CYP2C18: variants seen among roughly 807,000 people sequenced by gnomAD.
CYP2C18 encodes the protein cytochrome P450 family 2 subfamily C member 18.
In CYP2C18, 38 loss-of-function variants were observed where a neutral mutation model predicts 41.3. That is an observed-to-expected ratio of 0.92 (90% CI 0.71 to 1.21). The LOEUF is 1.21. Among genes scored for constraint, CYP2C18 ranks in the 50% most tolerant of loss-of-function variants. CYP2C18 has a pLI of 0.00. For synonymous variants in CYP2C18, 236 were observed against 210.0 expected (o/e 1.12, Z -1.07); for missense variants, 635 against 591.4 (o/e 1.07, Z -0.77).
At chr10:94,732,787 C>T (rs1847855643) in intron 7 of CYP2C18, among the ~76,000 whole-genome samples, 1 of 151,878 alleles carries the variant, frequency 6.6e-6, no homozygotes, top group Non-Finnish European at 1.5e-5. Context: ...CAACAATAGG[C>T]ACTGGGGACT....
intron 3 of CYP2C18, among the ~76,000 whole-genome samples, chr10:94,689,573 G>T (rs1182762780): frequency 6.6e-6 from 1 of 151,986 alleles, no homozygotes; most frequent in Non-Finnish European, 1.5e-5. Context: ...TTATCAGTAA[G>T]GCATTGGTTC....
Position 94,724,303 on chromosome 10 carries a change from C to T in CYP2C18, c.962-43C>T, listed in dbSNP as rs1225271360. The T allele has an allele frequency of 2.5e-6, 4 of 1,598,858 alleles. No homozygotes were observed. In the South Asian group the frequency reaches 4.4e-5, roughly 18 times the overall value. Reference sequence around the variant, plus strand: ...ACCTGAATTGCTACAACAAATGTGCCATTTTCCTCCTTTTCCATCATTTCT... The same window carrying T: ...ACCTGAATTGCTACAACAAATGTGCTATTTTCCTCCTTTTCCATCATTTCT... On this transcript the variant is annotated intron_variant, in intron 6 of 8. Coordinates refer to ENST00000285979, the MANE Select transcript of CYP2C18 (RefSeq NM_000772.3).
At chr10:94,724,236 A>G in intron 6 of CYP2C18, 110 bp from the exon 7 acceptor site, 1 of 1,071,190 alleles carries the variant, frequency 9.3e-7, no homozygotes, top group East Asian at 2.4e-5. Flanking sequence ...CAGTCCTATA[A>G]GTTTATAATG....
chr10:94,709,140 C>T (rs560940814), intron 5 of CYP2C18, among the ~76,000 whole-genome samples: 3 of 152,192 alleles, frequency 2.0e-5, no homozygotes, highest in Non-Finnish European at 2.9e-5. Context: ...TTTGGAGAAA[C>T]CGTGGCTGGA....
At chr10:94,707,925 G>T (rs1371448837) in intron 5 of CYP2C18, among the ~76,000 whole-genome samples, 2 of 152,000 alleles carry the variant, frequency 1.3e-5, no homozygotes, top group African/African-American at 2.4e-5. Context: ...GGGTCAATAT[G>T]GAAACTGTGA....
intron 5 of CYP2C18, among the ~76,000 whole-genome samples, chr10:94,715,404 G>T (rs1847520990): frequency 6.6e-6 from 1 of 152,112 alleles, no homozygotes; most frequent in African/African-American, 2.4e-5. Flanking sequence ...TTTGAATTTT[G>T]TCAAAGGCCT....
chr10:94,707,044 T>G (rs1847357670), intron 5 of CYP2C18, 84 bp downstream of exon 5: 1 of 1,124,490 alleles, frequency 8.9e-7, no homozygotes, highest in African/African-American at 1.6e-5. Context: ...CAAGAAACAC[T>G]TCATGAGCAC....
At chr10:94,718,967 A>G (rs1268121403) in intron 5 of CYP2C18, among the ~76,000 whole-genome samples, 4 of 152,106 alleles carry the variant, frequency 2.6e-5, no homozygotes, top group Non-Finnish European at 5.9e-5. Context: ...TTGGTGCTGT[A>G]GCTTTTTCTT....
intron 4 of CYP2C18, among the ~76,000 whole-genome samples, chr10:94,698,137 G>A (rs1248129176): frequency 1.3e-5 from 2 of 152,160 alleles, no homozygotes; most frequent in Admixed American, 1.3e-4. Flanking sequence ...AGACCTAATA[G>A]ACATCTGCAG....
Position 94,723,404 on chromosome 10 carries a change from G to A in CYP2C18, c.962-942G>A, listed in dbSNP as rs996567374. On this transcript the variant is annotated intron_variant, in intron 6 of 8. Transcript: ENST00000285979. ...AAGACATTAAGGGCAAAGAAAAGTT[G>A]ATTGATTATTTGATTATTTTTAGTG... 3.9e-5 allele frequency among the ~76,000 whole-genome samples: 6 copies of A among 152,036 alleles called. 1 individual carries two copies. The highest frequency in any genetic ancestry group is 7.4e-5 in the Non-Finnish European group (5 of 68,000).
In CYP2C18 at chr10:94,728,663, C is replaced by T. The variant is rs1589807262; in HGVS notation, c.1149+4130C>T. 3 of 908,106 alleles carry T rather than the reference C, an allele frequency of 3.3e-6. No individual in the cohort carries two copies. The East Asian group carries it at 3.5e-4, about 107-fold the overall frequency. 56.3% of individuals were successfully genotyped at this position (908,106 alleles called of 1,614,324 possible). A position where few individuals can be genotyped will look rare whatever the true frequency, so the allele number is the denominator to read the frequency against. The stretch of plus-strand genomic sequence containing the variant: ...TAAATTTTAGTGTACTTGTTGATAT[C>T]ATCTCAGAAGTCATTTTTAATTAGA... On this transcript the variant is annotated intron_variant, in intron 7 of 8. Coordinates refer to ENST00000285979, the MANE Select transcript of CYP2C18 (RefSeq NM_000772.3).
chr10:94,705,035 G>T (rs1344648169), intron 4 of CYP2C18, among the ~76,000 whole-genome samples: 2 of 152,134 alleles, frequency 1.3e-5, no homozygotes, highest in Non-Finnish European at 2.9e-5. Context: ...GTCTTCTGTG[G>T]TCCCTCTGTA....
intron 7 of CYP2C18, among the ~76,000 whole-genome samples, chr10:94,731,042 A>G (rs752163351): frequency 6.6e-6 from 1 of 152,238 alleles, no homozygotes; most frequent in Non-Finnish European, 1.5e-5. Flanking sequence ...AAACAAATGG[A>G]AAAGCATTCC....
At chr10:94,701,849 A>G (rs1847251821) in intron 4 of CYP2C18, among the ~76,000 whole-genome samples, 1 of 152,178 alleles carries the variant, frequency 6.6e-6, no homozygotes, top group Non-Finnish European at 1.5e-5. Flanking sequence ...GATAGTTAGG[A>G]GAAGTCTGAA....
At chr10:94,698,687 C>T (rs1486966026) in intron 4 of CYP2C18, among the ~76,000 whole-genome samples, 1 of 151,920 alleles carries the variant, frequency 6.6e-6, no homozygotes, top group East Asian at 1.9e-4. Flanking sequence ...TCAATGAATC[C>T]AGGAGCTGGT....
chr10:94,735,324 C>G lies in CYP2C18; in HGVS notation c.1353C>G (p.Thr451=), dbSNP rs1472527135. 6.2e-7 allele frequency: 1 copy of G among 1,613,730 alleles called. No homozygotes were observed. Among genetic ancestry groups the G allele is most frequent in the Non-Finnish European group, 8.5e-7 (1 of 1,179,760 alleles). ...ARMELFLFLT[T]ILQNFNLKSQ... ...TGGAGCTGTTTTTATTCCTGACCACCATTTTGCAGAACTTTAACCTGAAAT... is the reference window on the plus strand; with the variant it reads ...TGGAGCTGTTTTTATTCCTGACCACGATTTTGCAGAACTTTAACCTGAAAT... Residue 451 remains threonine, a synonymous_variant, in exon 9 of 9, where the codon ACC becomes ACG. Coordinates refer to ENST00000285979, the MANE Select transcript of CYP2C18 (RefSeq NM_000772.3).
At chr10:94,717,695 AC>A (rs1310275357) in intron 5 of CYP2C18, among the ~76,000 whole-genome samples, 26 of 152,002 alleles carry the variant, frequency 1.7e-4, no homozygotes, top group Admixed American at 6.6e-5. Flanking sequence ...CAGTTTTCTC[AC>A]CATTTATTTA....
rs1280956688 is a variant in CYP2C18, at chr10:94,724,333, T to C, written c.962-13T>C. 6.2e-7 allele frequency: 1 copy of C among 1,612,778 alleles called. No homozygotes were observed. The highest frequency in any genetic ancestry group is 2.2e-5 in the East Asian group (1 of 44,834). On this transcript the variant is annotated splice_polypyrimidine_tract_variant and intron_variant, in intron 6 of 8. Coordinates refer to ENST00000285979, the MANE Select transcript of CYP2C18 (RefSeq NM_000772.3). The stretch of plus-strand genomic sequence containing the variant: ...TCCTCCTTTTCCATCATTTCTTACT[T>C]GTGTCTTATCAGCTAAAGTCCAGGA...
chr10:94,714,527 A>G (rs1847504332), intron 5 of CYP2C18, among the ~76,000 whole-genome samples: 1 of 152,050 alleles, frequency 6.6e-6, no homozygotes, highest in Non-Finnish European at 1.5e-5. Flanking sequence ...GTTCTGTTCC[A>G]TTGGTCTATA....
Sources: allele counts gnomAD v4.1 joint callset (sites outside exome capture counted in the v4.1 genomes callset), GRCh38; gene constraint gnomAD v4.1.1; transcripts MANE v1.5; gene names NCBI Gene and HGNC (gene_info 2026-07-23, HGNC 2026-07-21).